Variants in LY96 observed in about 807,000 individuals in gnomAD.
LY96 encodes lymphocyte antigen 96, also known as myeloid differentiation protein-2.
A neutral mutation model predicts 18.9 loss-of-function variants in LY96; 18 were observed. The ratio of observed to expected loss-of-function variants is 0.95; its 90% CI spans 0.66 to 1.41. LY96 has a LOEUF of 1.41. Among genes scored for constraint, LY96 ranks in the 40% most tolerant of loss-of-function variants. LY96 has a pLI of 0.00. For missense variants in LY96, 175 were observed against 182.4 expected, an observed-to-expected ratio of 0.96 and a Z score of 0.23; for synonymous variants, 66 against 62.6, an observed-to-expected ratio of 1.06 and a Z score of -0.26.
chr8:74,017,973 C>G (rs181345952), intron 3 of LY96, among the ~76,000 whole-genome samples: 116 of 152,260 alleles, frequency 7.6e-4, no homozygotes, highest in Non-Finnish European at 2.6e-4. Flanking sequence ...ACTATTGATG[C>G]TAGGAAGAAA....
chr8:74,098,453 G>T, the LY96 span, among the ~76,000 whole-genome samples: 1 of 152,204 alleles, frequency 6.6e-6, no homozygotes, highest in East Asian at 1.9e-4. Context: ...TTGGCTCAGT[G>T]CAACCTCCGC....
intron 3 of LY96, among the ~76,000 whole-genome samples, chr8:74,017,532 A>C (rs1816669757): frequency 6.6e-6 from 1 of 152,196 alleles, no homozygotes; most frequent in Admixed American, 6.5e-5. Context: ...CCAACATTCA[A>C]ATTCAGGAAA....
chr8:74,065,809 G>A, the LY96 span, among the ~76,000 whole-genome samples: 2 of 152,188 alleles, frequency 1.3e-5, no homozygotes, highest in Non-Finnish European at 2.9e-5. Context: ...ACATTTCTGA[G>A]GCATTTAAAT....
downstream of LY96, among the ~76,000 whole-genome samples, chr8:74,030,389 T>C (rs1816950356): frequency 6.6e-6 from 1 of 152,196 alleles, no homozygotes; most frequent in African/African-American, 2.4e-5. Flanking sequence ...GGCATGCGCC[T>C]GTAATCCCAG....
chr8:74,025,505 A>G (rs1270328582), intron 3 of LY96, among the ~76,000 whole-genome samples: 1 of 151,730 alleles, frequency 6.6e-6, no homozygotes, highest in Non-Finnish European at 1.5e-5. Context: ...AAATACAAAA[A>G]TTCGCCAGGC....
At chr8:74,053,513 C>A in the LY96 span, among the ~76,000 whole-genome samples, 1 of 152,170 alleles carries the variant, frequency 6.6e-6, no homozygotes. Flanking sequence ...AGCCTCATTC[C>A]TTGCAGTGCC....
chr8:74,096,739 G>A, the LY96 span, among the ~76,000 whole-genome samples: 1 of 152,202 alleles, frequency 6.6e-6, no homozygotes, highest in Non-Finnish European at 1.5e-5. Flanking sequence ...GATGGTATAT[G>A]ACACATAGCA....
At chr8:74,070,945 C>G in the LY96 span, among the ~76,000 whole-genome samples, 3 of 152,122 alleles carry the variant, frequency 2.0e-5, no homozygotes, top group African/African-American at 4.8e-5. Flanking sequence ...AATTTCCTTA[C>G]TGAGTATCCA....
At chr8:74,004,654 G>A (rs1406038250) in intron 1 of LY96, 142 bp from the exon 2 acceptor site, 1 of 775,058 alleles carries the variant, frequency 1.3e-6, no homozygotes. Context: ...CATTCTTCTG[G>A]GGAGATATTT....
chr8:74,080,982 CTCTCTTTCTT>C, the LY96 span, among the ~76,000 whole-genome samples: 31 of 127,728 alleles, frequency 2.4e-4, no homozygotes, highest in Non-Finnish European at 3.3e-4. Context: ...CTTTCTTTCT[CTCTCTTTCTT>C]TCTTTCTTTC....
At chr8:74,051,483 T>C in the LY96 span, among the ~76,000 whole-genome samples, 1 of 152,206 alleles carries the variant, frequency 6.6e-6, no homozygotes, top group African/African-American at 2.4e-5. Flanking sequence ...ATCTTAGTAA[T>C]TCATGCTTCT....
chr8:74,073,881 C>T, the LY96 span, among the ~76,000 whole-genome samples: 40 of 152,048 alleles, frequency 2.6e-4, no homozygotes, highest in African/African-American at 9.4e-4. Flanking sequence ...TGGTCTTGAA[C>T]CTCTGAGCTC....
chr8:74,015,359 G>GCTC (rs1180749185), intron 3 of LY96, among the ~76,000 whole-genome samples: 1 of 152,176 alleles, frequency 6.6e-6, no homozygotes, highest in Non-Finnish European at 1.5e-5. Flanking sequence ...ACGAGGCCAT[G>GCTC]CTCCCTCTGT....
the LY96 span, among the ~76,000 whole-genome samples, chr8:74,085,336 A>C: frequency 5.9e-5 from 9 of 152,230 alleles, no homozygotes; most frequent in African/African-American, 9.6e-5. Context: ...CAGAGGAATC[A>C]CATCCTTTTC....
chr8:74,083,014 G>A, the LY96 span, among the ~76,000 whole-genome samples: 3 of 152,066 alleles, frequency 2.0e-5, no homozygotes, highest in East Asian at 5.8e-4. Context: ...AAATGCCAAG[G>A]TGTCATATTT....
At chr8:74,054,191 T>C in the LY96 span, among the ~76,000 whole-genome samples, 1 of 152,124 alleles carries the variant, frequency 6.6e-6, no homozygotes, top group Admixed American at 6.6e-5. Flanking sequence ...CATGCCCAAC[T>C]ATTTACAAGA....
chr8:74,087,606 G>A, the LY96 span, among the ~76,000 whole-genome samples: 2 of 152,134 alleles, frequency 1.3e-5, no homozygotes, highest in African/African-American at 4.8e-5. Context: ...TTGCCGTAAA[G>A]GGCCTCAAAC....
intron 1 of LY96, among the ~76,000 whole-genome samples, chr8:74,002,093 TTC>T (rs376445801): frequency 0.049 from 1,897 of 38,712 alleles, 355 homozygotes; most frequent in Middle Eastern, 0.095. Flanking sequence ...CTTTCTTTCT[TTC>T]TCTCTCTCTC....
the LY96 span, among the ~76,000 whole-genome samples, chr8:74,039,032 C>T: frequency 6.6e-6 from 1 of 152,190 alleles, no homozygotes; most frequent in Admixed American, 6.5e-5. Context: ...ACATCCTTGC[C>T]AGCATTTGTT....
Sources: gnomAD v4.1 joint callset for allele counts (sites outside exome capture counted in the v4.1 genomes callset) on GRCh38, gnomAD v4.1.1 for gene constraint, MANE v1.5 for transcripts, NCBI Gene and HGNC (gene_info 2026-07-23, HGNC 2026-07-21) for gene names.